The following CLDN16 variants were observed in gnomAD, a reference collection of about 807,000 sequenced individuals.
CLDN16 encodes claudin 16.
A neutral mutation model predicts 24.6 loss-of-function variants in CLDN16; 13 were observed. The ratio of observed to expected loss-of-function variants is 0.53; its 90% CI spans 0.34 to 0.84. The LOEUF is 0.84. Among genes scored for constraint, CLDN16 ranks in the 40% least tolerant of loss-of-function variants. The pLI is 0.01. For missense variants in CLDN16, 298 were observed against 292.7 expected (o/e 1.02, Z -0.13); for synonymous variants, 116 against 106.7 (o/e 1.09, Z -0.54).
At chr3:190,364,964 CA>C (rs1717987252) in intron 1 of CLDN16, among the ~76,000 whole-genome samples, 3 of 151,392 alleles carry the variant, frequency 2.0e-5, no homozygotes, top group Non-Finnish European at 3.0e-5. Flanking sequence ...TTTCTTTAGT[CA>C]ATGGATACTT....
rs191766695 is a variant in CLDN16 at position 190,402,294 on chromosome 3, G to T, written c.115-43G>T. ...TTTTGATCAAGGGGAACTGAACTGT[G>T]CCTGCATGAATTGTTTCACACGGTG... On this transcript the variant is annotated intron_variant, in intron 1 of 4. Transcript: ENST00000264734. The T allele has an allele frequency of 3.6e-5, 51 of 1,427,390 alleles. No homozygotes were observed. In the East Asian group the frequency reaches 1.2e-3, roughly 32 times the overall value. The allele number at this position is 1,427,390 out of a possible 1,614,324, so 88.4% of individuals were successfully genotyped here.
chr3:190,381,273 G>T (rs1718364607), intron 3 of CLDN16, among the ~76,000 whole-genome samples: 1 of 152,094 alleles, frequency 6.6e-6, no homozygotes, highest in Admixed American at 6.6e-5. Context: ...GTTTAAAAGT[G>T]TAAGTAGATG....
intron 1 of CLDN16, among the ~76,000 whole-genome samples, chr3:190,335,023 C>CTTTTTTTTTTTT (rs57744577): frequency 8.2e-5 from 11 of 134,316 alleles, no homozygotes; most frequent in Non-Finnish European, 1.5e-4. Context: ...TTTCTTTTTT[C>CTTTTTTTTTTTT]TTTTTTTTTT....
intron 3 of CLDN16, among the ~76,000 whole-genome samples, chr3:190,379,665 C>A (rs905735752): frequency 6.6e-6 from 1 of 152,040 alleles, no homozygotes; most frequent in Non-Finnish European, 1.5e-5. Context: ...CAAGCACAGG[C>A]AAAAGAAAGC....
At chr3:190,408,643 A>G in intron 4 of CLDN16, 138 bp downstream of exon 4, 1 of 788,068 alleles carries the variant, frequency 1.3e-6, no homozygotes, top group Non-Finnish European at 2.1e-6. Context: ...CAATTGTTCA[A>G]GGGCAATTGA....
the CLDN16 span, among the ~76,000 whole-genome samples, chr3:190,297,459 TATTA>T: frequency 5.6e-5 from 5 of 89,144 alleles, no homozygotes; most frequent in Admixed American, 1.1e-4. Context: ...ATATGTATCA[TATTA>T]ATTGTTATAT....
chr3:190,377,667 CA>C (rs999809770), intron 3 of CLDN16, among the ~76,000 whole-genome samples: 1 of 151,858 alleles, frequency 6.6e-6, no homozygotes, highest in African/African-American at 2.4e-5. Flanking sequence ...CTTTGGTTGC[CA>C]AAAAATTCCA....
the CLDN16 span, among the ~76,000 whole-genome samples, chr3:190,299,444 CA>C: frequency 6.6e-6 from 1 of 152,048 alleles, no homozygotes; most frequent in East Asian, 1.9e-4. Context: ...TTTACTTTAA[CA>C]TAGTTGTATG....
At chr3:190,365,648 A>G (rs1410189978) in intron 1 of CLDN16, among the ~76,000 whole-genome samples, 3 of 150,918 alleles carry the variant, frequency 2.0e-5, no homozygotes, top group African/African-American at 7.3e-5. Context: ...ACGATCTGAA[A>G]TCAAGCAACT....
At position 190,339,317 on chromosome 3, in the gene CLDN16, A is replaced by G. The variant is rs376781083; in HGVS notation, n.121+16656A>G. ...CATGTGGCAATGGCTGGGTTTCTCT[A>G]TGGAGAACCACAGTCTCACCTAGTG... On this transcript the variant is annotated intron_variant and non_coding_transcript_variant, in intron 1 of 4. Transcript: ENST00000468220. Among the ~76,000 whole-genome samples, 4 of 152,282 alleles carry G rather than the reference A, an allele frequency of 2.6e-5. No homozygotes were observed. The East Asian group carries it at 5.8e-4, about 22-fold the overall frequency.
exon 1 of CLDN16, chr3:190,322,578 G>A: frequency 6.5e-6 from 2 of 309,658 alleles, no homozygotes; most frequent in Non-Finnish European, 1.2e-5. Context: ...GGAACGCGCG[G>A]CTGGCGGCGT....
rs1719283037 is a variant in CLDN16, at chr3:190,411,375, A to G, written c.*1339A>G. 1 of 152,226 alleles carries G rather than the reference A, an allele frequency of 6.6e-6. No individual in the cohort carries two copies. The highest frequency in any genetic ancestry group is 2.1e-4 in the South Asian group (1 of 4,836). The allele number at this position is 152,226 out of a possible 1,614,324, so 9.4% of individuals were successfully genotyped here. ...CTAATGACATTTCATTCATATTCATAATGTAACCATCTTGAATTTTTTTAA... is the reference window on the plus strand; with the variant it reads ...CTAATGACATTTCATTCATATTCATGATGTAACCATCTTGAATTTTTTTAA... On this transcript the variant is annotated 3_prime_UTR_variant, in exon 5 of 5. Coordinates refer to ENST00000264734, the MANE Select transcript of CLDN16 (RefSeq NM_006580.4).
the CLDN16 span, among the ~76,000 whole-genome samples, chr3:190,301,988 T>C: frequency 1.3e-5 from 2 of 152,200 alleles, no homozygotes; most frequent in Non-Finnish European, 2.9e-5. Flanking sequence ...TGTCATATCC[T>C]ATATATTTTA....
chr3:190,308,952 AT>A, the CLDN16 span, among the ~76,000 whole-genome samples: 1 of 152,220 alleles, frequency 6.6e-6, no homozygotes, highest in South Asian at 2.1e-4. Context: ...CCCATGAACC[AT>A]TCTGGATTAA....
intron 1 of CLDN16, among the ~76,000 whole-genome samples, chr3:190,344,431 T>C (rs982336523): frequency 6.6e-6 from 1 of 151,824 alleles, no homozygotes; most frequent in African/African-American, 2.4e-5. Flanking sequence ...TTAATGTGTA[T>C]ATAAACTGTT....
At chr3:190,408,877 A>G (rs1057243877) in intron 4 of CLDN16, among the ~76,000 whole-genome samples, 6 of 148,292 alleles carry the variant, frequency 4.0e-5, no homozygotes, top group Non-Finnish European at 8.9e-5. Flanking sequence ...CTATATATAC[A>G]TACTGTATAT....
chr3:190,329,237 A>G (rs1259538543), intron 1 of CLDN16, among the ~76,000 whole-genome samples: 4 of 152,196 alleles, frequency 2.6e-5, no homozygotes, highest in African/African-American at 7.2e-5. Context: ...CATTGCAGAT[A>G]GAGAGATGAG....
rs117529180 is a variant in CLDN16, at chr3:190,333,858, A to C, written n.121+11197A>C. 7.2e-4 allele frequency among the ~76,000 whole-genome samples: 109 copies of C among 152,264 alleles called. 2 individuals are homozygous for C. In the East Asian group the frequency reaches 0.019, roughly 27 times the overall value. ...CACTGGAAATACTGTGATAAAAGGCACATACTTCAATGGGGTGAGGGGTAA... is the reference window on the plus strand; with the variant it reads ...CACTGGAAATACTGTGATAAAAGGCCCATACTTCAATGGGGTGAGGGGTAA... On this transcript the variant is annotated intron_variant and non_coding_transcript_variant, in intron 1 of 4. Coordinates refer to the CLDN16 transcript ENST00000468220.
At chr3:190,297,467 G>A in the CLDN16 span, among the ~76,000 whole-genome samples, 5 of 120,176 alleles carry the variant, frequency 4.2e-5, no homozygotes, top group Admixed American at 4.4e-4. Context: ...CATATTAATT[G>A]TTATATTATC....
Sources: gnomAD v4.1 joint callset for allele counts (sites outside exome capture counted in the v4.1 genomes callset) on GRCh38, gnomAD v4.1.1 for gene constraint, MANE v1.5 for transcripts, NCBI Gene and HGNC (gene_info 2026-07-23, HGNC 2026-07-21) for gene names.